Variants in AK5 observed in about 807,000 individuals in gnomAD.
AK5 encodes adenylate kinase 5.
A neutral mutation model predicts 69.5 loss-of-function variants in AK5; 27 were observed. The observed-to-expected ratio is 0.39, with a 90% CI of 0.29 to 0.54. The LOEUF (loss-of-function observed/expected upper bound fraction) is 0.54. AK5 is among the 20% of genes least tolerant of loss of function. The pLI, the probability that AK5 is intolerant of heterozygous loss-of-function variation, is 0.71. For missense variants in AK5, 531 were observed against 700.4 expected (o/e 0.76, Z 2.73); for synonymous variants, 260 against 244.4 (o/e 1.06, Z -0.60).
At chr1:77,441,929 G>A (rs72681659) in intron 8 of AK5, among the ~76,000 whole-genome samples, 55 of 152,052 alleles carry the variant, frequency 3.6e-4, no homozygotes, top group African/African-American at 1.3e-3. Context: ...GTGACTCTGA[G>A]GTACCCCCTA....
intron 6 of AK5, chr1:77,371,228 T>G (rs983108939): frequency 2.6e-5 from 4 of 152,312 alleles, no homozygotes; most frequent in African/African-American, 9.6e-5. Context: ...CAGGACCCCT[T>G]CTTGGCACCA....
chr1:77,295,621 G>A (rs375478118), intron 3 of AK5, among the ~76,000 whole-genome samples: 5 of 152,060 alleles, frequency 3.3e-5, no homozygotes, highest in East Asian at 3.9e-4. Flanking sequence ...AAATAATCGG[G>A]AAGTATCTCA....
At chr1:77,395,058 A>G (rs1461310919) in intron 6 of AK5, among the ~76,000 whole-genome samples, 1 of 152,046 alleles carries the variant, frequency 6.6e-6, no homozygotes, top group African/African-American at 2.4e-5. Flanking sequence ...AAAGAAGGAG[A>G]TCACTTTGGG....
intron 6 of AK5, among the ~76,000 whole-genome samples, chr1:77,368,531 A>T (rs1647062173): frequency 6.6e-6 from 1 of 151,490 alleles, no homozygotes; most frequent in African/African-American, 2.4e-5. Context: ...CATCACCATC[A>T]TTCCTGACTC....
intron 1 of AK5, among the ~76,000 whole-genome samples, chr1:77,286,350 G>T (rs143740844): frequency 1.3e-5 from 2 of 149,728 alleles, no homozygotes; most frequent in South Asian, 2.1e-4. Context: ...GAAGTGAATG[G>T]CTCTTCCATT....
At chr1:77,522,632 G>T (rs1292788848) in intron 12 of AK5, among the ~76,000 whole-genome samples, 1 of 152,014 alleles carries the variant, frequency 6.6e-6, no homozygotes, top group East Asian at 1.9e-4. Flanking sequence ...TAGTGAGGAG[G>T]GTGGGTCAGG....
intron 8 of AK5, among the ~76,000 whole-genome samples, chr1:77,437,010 A>G (rs369913586): frequency 2.6e-5 from 4 of 152,164 alleles, no homozygotes; most frequent in East Asian, 3.8e-4. Context: ...TCATAGTTCT[A>G]TGACATTCAT....
chr1:77,369,133 T>G (rs1647073075), intron 6 of AK5, among the ~76,000 whole-genome samples: 1 of 152,126 alleles, frequency 6.6e-6, no homozygotes, highest in African/African-American at 2.4e-5. Context: ...TTAAAATGTT[T>G]TATAAAAAAT....
chr1:77,546,392 C>T (rs961057559), intron 13 of AK5, among the ~76,000 whole-genome samples: 4 of 152,148 alleles, frequency 2.6e-5, no homozygotes, highest in Non-Finnish European at 2.9e-5. Flanking sequence ...TACTGGGCAT[C>T]TCTAAGGTCC....
intron 5 of AK5, among the ~76,000 whole-genome samples, chr1:77,335,840 C>G (rs1661326796): frequency 6.6e-6 from 1 of 152,086 alleles, no homozygotes; most frequent in Admixed American, 6.5e-5. Context: ...ATTTACTTCT[C>G]ACAGTTCTGG....
At chr1:77,537,958 A>G (rs567547526) in intron 13 of AK5, among the ~76,000 whole-genome samples, 6 of 152,276 alleles carry the variant, frequency 3.9e-5, no homozygotes, top group African/African-American at 1.4e-4. Context: ...ACTGCCAATT[A>G]ATAGGACTTG....
At chr1:77,490,842 G>A (rs949337512) in intron 10 of AK5, among the ~76,000 whole-genome samples, 3 of 143,618 alleles carry the variant, frequency 2.1e-5, no homozygotes, top group African/African-American at 5.2e-5. Flanking sequence ...TTATTCTGGC[G>A]TCTTTTTCCC....
intron 12 of AK5, among the ~76,000 whole-genome samples, chr1:77,522,611 C>T (rs1396652202): frequency 6.6e-6 from 1 of 152,096 alleles, no homozygotes; most frequent in Non-Finnish European, 1.5e-5. Context: ...ACCTCCCTGC[C>T]CACCCTCTCC....
At chr1:77,528,655 A>G (rs1022901272) in intron 12 of AK5, among the ~76,000 whole-genome samples, 2 of 152,184 alleles carry the variant, frequency 1.3e-5, no homozygotes, top group African/African-American at 2.4e-5. Flanking sequence ...AGTTTACAGA[A>G]TGATTACTGG....
intron 6 of AK5, among the ~76,000 whole-genome samples, chr1:77,342,056 G>A (rs551394218): frequency 5.3e-5 from 8 of 152,050 alleles, no homozygotes; most frequent in Non-Finnish European, 1.2e-4. Context: ...ACACCACCAC[G>A]CCCAGCTAAA....
chr1:77,512,396 A>G (rs1021729726), intron 10 of AK5, among the ~76,000 whole-genome samples: 4 of 152,204 alleles, frequency 2.6e-5, no homozygotes, highest in Non-Finnish European at 5.9e-5. Flanking sequence ...TGTGCCAGAC[A>G]ACGTAACTCA....
intron 8 of AK5, among the ~76,000 whole-genome samples, chr1:77,450,593 G>A (rs1477030295): frequency 2.6e-5 from 4 of 152,052 alleles, no homozygotes; most frequent in African/African-American, 7.2e-5. Flanking sequence ...AACTAATAAC[G>A]TCCTCACTCT....
Position 77,476,228 on chromosome 1 carries a change from G to A in AK5, c.1060-7089G>A, listed in dbSNP as rs141880486. Among the ~76,000 whole-genome samples the A allele has an allele frequency of 1.7e-3, 260 of 152,034 alleles. 2 individuals are homozygous for A. The highest frequency in any genetic ancestry group is 5.9e-3 in the African/African-American group (244 of 41,468). On this transcript the variant is annotated intron_variant, in intron 8 of 13. Coordinates refer to ENST00000354567, the MANE Select transcript of AK5 (RefSeq NM_174858.3). Reference sequence around the variant, plus strand: ...GTGAATGAGAAATGGGACTTGCTGCGGAATAAATTCTGGGGTGTAACTAAA... The same window carrying A: ...GTGAATGAGAAATGGGACTTGCTGCAGAATAAATTCTGGGGTGTAACTAAA...
intron 5 of AK5, among the ~76,000 whole-genome samples, chr1:77,319,593 G>A (rs1047948481): frequency 6.6e-6 from 1 of 152,128 alleles, no homozygotes; most frequent in African/African-American, 2.4e-5. Context: ...GTAACATTTT[G>A]TATTTTCTGC....
Sources: gnomAD v4.1 joint callset for allele counts (sites outside exome capture counted in the v4.1 genomes callset) on GRCh38, gnomAD v4.1.1 for gene constraint, MANE v1.5 for transcripts, NCBI Gene and HGNC (gene_info 2026-07-23, HGNC 2026-07-21) for gene names.